INTU: variants seen among roughly 807,000 people sequenced by gnomAD.
INTU encodes protein inturned.
A neutral mutation model predicts 100.5 loss-of-function variants in INTU; 68 were observed. The observed-to-expected ratio is 0.68, with a 90% CI of 0.56 to 0.83. INTU has a LOEUF of 0.83. Among genes scored for constraint, INTU ranks in the 40% least tolerant of loss-of-function variants. The probability of loss-of-function intolerance (pLI) is 0.00; values close to 1 mark genes in which losing one functional copy is unlikely to be tolerated. For missense variants in INTU, 1,071 were observed against 1,114.7 expected (o/e 0.96, Z 0.56); for synonymous variants, 357 against 395.7 (o/e 0.90, Z 1.16).
chr4:127,680,102 G>A (rs1249213975), intron 6 of INTU, among the ~76,000 whole-genome samples: 1 of 152,260 alleles, frequency 6.6e-6, no homozygotes, highest in Non-Finnish European at 1.5e-5. Context: ...TGAAATGGTG[G>A]CAATAATCAA....
chr4:127,652,810 T>G, intron 2 of INTU, among the ~76,000 whole-genome samples: 2 of 133,474 alleles, frequency 1.5e-5, no homozygotes. Context: ...CAGTTCCTCC[T>G]TGTACCTCTG....
chr4:127,690,507 T>G (rs1165612612), intron 8 of INTU, among the ~76,000 whole-genome samples: 2 of 152,186 alleles, frequency 1.3e-5, no homozygotes, highest in African/African-American at 4.8e-5. Context: ...GTGAAATTAA[T>G]ACACAGGAAA....
chr4:127,710,927 C>A lies in INTU; in HGVS notation c.2384C>A (p.Pro795His). 2 of 1,487,812 alleles carry A rather than the reference C, an allele frequency of 1.3e-6. No individual in the cohort carries two copies. Among genetic ancestry groups the A allele is most frequent in the Non-Finnish European group, 1.8e-6 (2 of 1,101,756 alleles). The allele number at this position is 1,487,812 out of a possible 1,614,324, so 92.2% of individuals were successfully genotyped here. A position where few individuals can be genotyped will look rare whatever the true frequency, so the allele number is the denominator to read the frequency against. The change falls in exon 14 of 16, where the codon CCT becomes CAT. Residue 795 changes from proline to histidine, a missense_variant. Physicochemically the swap from Pro to His is moderately conservative, Grantham distance 77. Coordinates refer to ENST00000335251, the MANE Select transcript of INTU (RefSeq NM_015693.4). Reference protein sequence around the residue: ...IYNTVKLTSGPENTLFHYVAL... With the variant: ...IYNTVKLTSGHENTLFHYVAL... ...TTCTTTTTAAGACTGACATCTGGTC[C>A]TGAGAACACACTTTTCCACTACGTT...
At chr4:127,657,026 G>A (rs1377871180) in intron 3 of INTU, among the ~76,000 whole-genome samples, 2 of 151,926 alleles carry the variant, frequency 1.3e-5, no homozygotes, top group African/African-American at 4.8e-5. Flanking sequence ...TGACAATCTG[G>A]TTCCTAGAAG....
chr4:127,659,786 A>T (rs1400398074), intron 3 of INTU, among the ~76,000 whole-genome samples: 1 of 152,190 alleles, frequency 6.6e-6, no homozygotes, highest in African/African-American at 2.4e-5. Context: ...AACAGCCTGA[A>T]GATTATTAGT....
chr4:127,692,481 T>C (rs1054750280), intron 8 of INTU, among the ~76,000 whole-genome samples: 4 of 152,244 alleles, frequency 2.6e-5, no homozygotes, highest in African/African-American at 9.6e-5. Flanking sequence ...TTGTAGATTC[T>C]GGATATTAGT....
chr4:127,696,145 AT>A (rs1321310470), intron 8 of INTU, among the ~76,000 whole-genome samples: 3 of 151,570 alleles, frequency 2.0e-5, no homozygotes, highest in South Asian at 2.1e-4. Flanking sequence ...CTGGCCTGTC[AT>A]TTTTTTTGTT....
chr4:127,651,715 T>A (rs1727890141), intron 2 of INTU, among the ~76,000 whole-genome samples: 1 of 151,768 alleles, frequency 6.6e-6, no homozygotes, highest in African/African-American at 2.4e-5. Flanking sequence ...CTTTTTTGGT[T>A]CCATATGAAC....
At chr4:127,707,686 T>G (rs1433998263) in intron 12 of INTU, among the ~76,000 whole-genome samples, 1 of 152,094 alleles carries the variant, frequency 6.6e-6, no homozygotes, top group African/African-American at 2.4e-5. Context: ...TTATCCTATT[T>G]TTATAGATTT....
At chr4:127,707,868 G>A (rs867887851) in intron 12 of INTU, among the ~76,000 whole-genome samples, 11 of 151,998 alleles carry the variant, frequency 7.2e-5, no homozygotes, top group East Asian at 1.9e-4. Context: ...TGATGCTGTC[G>A]TCTTTCAAAA....
At chr4:127,659,927 T>C (rs1270190803) in intron 3 of INTU, among the ~76,000 whole-genome samples, 1 of 152,228 alleles carries the variant, frequency 6.6e-6, no homozygotes, top group Non-Finnish European at 1.5e-5. Flanking sequence ...ATACATATAC[T>C]GTGGAAAAAT....
intron 6 of INTU, among the ~76,000 whole-genome samples, chr4:127,682,523 C>T (rs1291753897): frequency 1.4e-5 from 2 of 143,822 alleles, no homozygotes; most frequent in East Asian, 4.1e-4. Context: ...CATATTCTCA[C>T]TCATAGGTGG....
At chr4:127,675,451 T>C (rs1349057756) in intron 6 of INTU, among the ~76,000 whole-genome samples, 1 of 152,216 alleles carries the variant, frequency 6.6e-6, no homozygotes, top group Non-Finnish European at 1.5e-5. Context: ...TACAGCAGTG[T>C]ATTCATTTTT....
chr4:127,708,555 T>A lies in INTU; in HGVS notation c.2272-16T>A, dbSNP rs373003333. The A allele has an allele frequency of 5.1e-6, 7 of 1,368,878 alleles. No homozygotes were observed. The highest frequency in any genetic ancestry group is 7.2e-6 in the Non-Finnish European group (7 of 969,058). The allele number at this position is 1,368,878 out of a possible 1,614,324, so 84.8% of individuals were successfully genotyped here. ...ATTCTTAGATATAAACTGATCTACT[T>A]AACTATATTTTTCAGGTCACTAAAA... On this transcript the variant is annotated splice_polypyrimidine_tract_variant and intron_variant, in intron 12 of 15. Coordinates refer to ENST00000335251, the MANE Select transcript of INTU (RefSeq NM_015693.4).
intron 7 of INTU, 123 bp from the exon 8 acceptor site, chr4:127,687,555 A>C: frequency 2.8e-6 from 2 of 707,172 alleles, no homozygotes. Flanking sequence ...AATTCTATTG[A>C]AGGAAGAGAG....
At chr4:127,691,969 T>C (rs1421825502) in intron 8 of INTU, among the ~76,000 whole-genome samples, 3 of 141,418 alleles carry the variant, frequency 2.1e-5, no homozygotes, top group Non-Finnish European at 4.7e-5. Flanking sequence ...TATGTATATA[T>C]ATATATATAT....
intron 8 of INTU, among the ~76,000 whole-genome samples, chr4:127,697,531 A>G (rs1730447443): frequency 6.6e-6 from 1 of 151,970 alleles, no homozygotes; most frequent in African/African-American, 2.4e-5. Flanking sequence ...CAGCTTTTTT[A>G]GGTTCCACAT....
intron 6 of INTU, among the ~76,000 whole-genome samples, chr4:127,678,944 G>A (rs978805240): frequency 6.6e-6 from 1 of 151,922 alleles, no homozygotes; most frequent in Non-Finnish European, 1.5e-5. Context: ...AAAGGCAGGG[G>A]TTGCAATCCT....
Position 127,713,382 on chromosome 4 carries a change from T to C in INTU, c.2560-554T>C, listed in dbSNP as rs181496746. ...TCACTCCACTGTTTGCCCTGAAACT[T>C]ATAAGAAGCCTTTATAGTCCAAATG... On this transcript the variant is annotated intron_variant, in intron 14 of 15. Coordinates refer to ENST00000335251, the MANE Select transcript of INTU (RefSeq NM_015693.4). Among the ~76,000 whole-genome samples the C allele has an allele frequency of 1.1e-4, 17 of 152,352 alleles. No individual in the cohort carries two copies. The East Asian group carries it at 2.9e-3, about 26-fold the overall frequency.
Sources: gnomAD v4.1 joint callset for allele counts (sites outside exome capture counted in the v4.1 genomes callset) on GRCh38, gnomAD v4.1.1 for gene constraint, MANE v1.5 for transcripts, NCBI Gene and HGNC (gene_info 2026-07-23, HGNC 2026-07-21) for gene names.